The following CRYL1 variants were observed in gnomAD, a reference collection of about 807,000 sequenced individuals.
The protein encoded by CRYL1 is lambda-crystallin homolog.
In CRYL1, 29 loss-of-function variants were observed where a neutral mutation model predicts 36.6. The observed-to-expected ratio is 0.79, with a 90% CI of 0.59 to 1.08. CRYL1 has a LOEUF of 1.08. Ranked by LOEUF, CRYL1 falls within the 50% of genes least tolerant of loss-of-function variation. The probability of loss-of-function intolerance (pLI) is 0.00; values close to 1 mark genes in which losing one functional copy is unlikely to be tolerated. For synonymous variants in CRYL1, 152 were observed against 151.5 expected, an observed-to-expected ratio of 1.00 and a Z score of -0.02; for missense variants, 411 against 407.9, an observed-to-expected ratio of 1.01 and a Z score of -0.06.
At chr13:20,475,718 C>G (rs2033152861) in intron 3 of CRYL1, among the ~76,000 whole-genome samples, 1 of 152,166 alleles carries the variant, frequency 6.6e-6, no homozygotes, top group African/African-American at 2.4e-5. Context: ...GGGGAATCAC[C>G]TGATGCTGTG....
At chr13:20,499,644 T>G (rs1211517785) in intron 2 of CRYL1, among the ~76,000 whole-genome samples, 1 of 152,104 alleles carries the variant, frequency 6.6e-6, no homozygotes, top group Non-Finnish European at 1.5e-5. Context: ...AGAGCGAGAC[T>G]CTGACACACA....
At chr13:20,517,297 T>C (rs2034016703) in intron 1 of CRYL1, among the ~76,000 whole-genome samples, 1 of 152,138 alleles carries the variant, frequency 6.6e-6, no homozygotes, top group Non-Finnish European at 1.5e-5. Flanking sequence ...TGCAAATTGT[T>C]TTTGGATTTT....
In CRYL1 at chr13:20,450,300, T is replaced by C. The variant is rs558201574; in HGVS notation, c.277-10546A>G. On this transcript the variant is annotated intron_variant, in intron 3 of 7. Coordinates refer to ENST00000298248, the MANE Select transcript of CRYL1 (RefSeq NM_015974.3). ...AAATAAAGCTTCATCCCTACAACGA[T>C]TGGATCATCAACAAAGTCAACAAAA... 6.6e-5 allele frequency among the ~76,000 whole-genome samples: 10 copies of C among 152,198 alleles called. No individual in the cohort carries two copies. The South Asian group carries it at 1.0e-3, about 16-fold the overall frequency.
intron 3 of CRYL1, among the ~76,000 whole-genome samples, chr13:20,475,179 G>A (rs779852246): frequency 1.2e-4 from 18 of 152,110 alleles, no homozygotes; most frequent in African/African-American, 2.4e-4. Context: ...GGAGCCATCC[G>A]CCACCTCAGG....
chr13:20,415,655 T>C lies in CRYL1; in HGVS notation c.634-2268A>G, dbSNP rs2031643943. 6.6e-6 allele frequency among the ~76,000 whole-genome samples: 1 copy of C among 152,216 alleles called. No individual in the cohort carries two copies. Among genetic ancestry groups the C allele is most frequent in the Non-Finnish European group, 1.5e-5 (1 of 68,022 alleles). ...GAGGCTGAACAAGCCACAGTCCACG[T>C]TTCCAGGAGAATTACAAAGCAAACG... On this transcript the variant is annotated intron_variant, in intron 5 of 7. Coordinates refer to ENST00000298248, the MANE Select transcript of CRYL1 (RefSeq NM_015974.3). This position sits in a 1 kb window ranked among gnomAD's most constrained non-coding sequence, Gnocchi z 4.1.
At chr13:20,477,271 T>G (rs895928787) in intron 3 of CRYL1, among the ~76,000 whole-genome samples, 1 of 152,134 alleles carries the variant, frequency 6.6e-6, no homozygotes, top group African/African-American at 2.4e-5. Context: ...AAGACGTCAG[T>G]GAGCTATGAT....
At chr13:20,418,080 T>C (rs1363391818) in intron 5 of CRYL1, among the ~76,000 whole-genome samples, 8 of 152,208 alleles carry the variant, frequency 5.3e-5, no homozygotes, top group Admixed American at 3.3e-4. Context: ...GAATTTCTCC[T>C]TCCTCAGGGA....
chr13:20,444,798 C>T (rs1043481049), intron 3 of CRYL1, among the ~76,000 whole-genome samples: 2 of 152,188 alleles, frequency 1.3e-5, no homozygotes, highest in East Asian at 3.9e-4. Flanking sequence ...CTCACTGCAA[C>T]CTCTGCCTCT....
rs145968795 is a variant in CRYL1, at chr13:20,476,230, C to T, written c.276+13140G>A. Among the ~76,000 whole-genome samples the T allele has an allele frequency of 1.3e-3, 191 of 152,140 alleles. 1 individual carries two copies. Among genetic ancestry groups the T allele is most frequent in the African/African-American group, 3.9e-3 (163 of 41,510 alleles). ...AATTAGCTGGGAGTGGTGGCATGTG[C>T]CTATAATCCCAGCTACCAGGAGGCT... On this transcript the variant is annotated intron_variant, in intron 3 of 7. Coordinates refer to ENST00000298248, the MANE Select transcript of CRYL1 (RefSeq NM_015974.3).
intron 3 of CRYL1, among the ~76,000 whole-genome samples, chr13:20,488,032 G>T (rs2033434908): frequency 6.6e-6 from 1 of 151,818 alleles, no homozygotes; most frequent in South Asian, 2.1e-4. Context: ...AATCCAGGAA[G>T]TGGAGGCTGC....
intron 3 of CRYL1, among the ~76,000 whole-genome samples, chr13:20,475,260 G>A (rs1197076102): frequency 6.6e-6 from 1 of 152,168 alleles, no homozygotes; most frequent in Non-Finnish European, 1.5e-5. Flanking sequence ...CCCTGGCAGG[G>A]GTGGCAGGCA....
At chr13:20,414,255 TTG>T (rs748950328) in intron 5 of CRYL1, among the ~76,000 whole-genome samples, 1,526 of 151,252 alleles carry the variant, frequency 0.01, 31 homozygotes, top group African/African-American at 0.034. Flanking sequence ...AAGAGATTTT[TTG>T]TGTGTGTGTG....
At chr13:20,483,004 G>A (rs1161554525) in intron 3 of CRYL1, among the ~76,000 whole-genome samples, 3 of 152,088 alleles carry the variant, frequency 2.0e-5, no homozygotes, top group Non-Finnish European at 4.4e-5. Flanking sequence ...TCTCATGGAG[G>A]TAGAGAGTAG....
At position 20,435,662 on chromosome 13, in the gene CRYL1, G is replaced by A. The variant is rs1320152215; in HGVS notation, c.439-3366C>T. Among the ~76,000 whole-genome samples the A allele has an allele frequency of 6.6e-6, 1 of 152,216 alleles. No homozygotes were observed. Among genetic ancestry groups the A allele is most frequent in the Non-Finnish European group, 1.5e-5 (1 of 68,028 alleles). On this transcript the variant is annotated intron_variant, in intron 4 of 7. Coordinates refer to ENST00000298248, the MANE Select transcript of CRYL1 (RefSeq NM_015974.3). The surrounding 1 kb of genome is among the most constrained non-coding windows in gnomAD (Gnocchi z 4.0). ...GAGGTGGACTCGGAAACACGCCCCC[G>A]AAAGGGTTCGACAGATACAACGGCA...
intron 3 of CRYL1, among the ~76,000 whole-genome samples, chr13:20,460,265 G>A (rs1373143977): frequency 6.6e-6 from 1 of 152,110 alleles, no homozygotes; most frequent in African/African-American, 2.4e-5. Context: ...ATGTGTGTGT[G>A]TATATACATA....
chr13:20,416,996 C>T (rs1441495623), intron 5 of CRYL1, among the ~76,000 whole-genome samples: 3 of 152,192 alleles, frequency 2.0e-5, no homozygotes, highest in Non-Finnish European at 4.4e-5. Context: ...TTCCCTTCCT[C>T]ACTGCTTCTT....
chr13:20,439,966 G>T (rs1205926670), intron 3 of CRYL1: 10 of 473,072 alleles, frequency 2.1e-5, no homozygotes, highest in East Asian at 3.3e-5. Context: ...CCTAAAGCAA[G>T]CCATAAAAGA....
At chr13:20,466,986 T>C (rs7328650) in intron 3 of CRYL1, among the ~76,000 whole-genome samples, 145,628 of 151,502 alleles carry the variant, frequency 0.96, 70,257 homozygotes, top group East Asian at 1. Context: ...CTCACTCTGT[T>C]GCCCAGGCTG....
intron 3 of CRYL1, among the ~76,000 whole-genome samples, chr13:20,463,034 G>A (rs1032542043): frequency 6.6e-6 from 1 of 151,982 alleles, no homozygotes; most frequent in South Asian, 2.1e-4. Flanking sequence ...TTACAAGCTC[G>A]TGTAACTAAG....
Sources: allele counts gnomAD v4.1 joint callset (sites outside exome capture counted in the v4.1 genomes callset), GRCh38; gene constraint gnomAD v4.1.1; non-coding constraint Gnocchi (gnomAD v3.1); transcripts MANE v1.5; gene names NCBI Gene and HGNC (gene_info 2026-07-23, HGNC 2026-07-21).